Variants in LHFPL3 observed in about 807,000 individuals in gnomAD.
The protein encoded by LHFPL3 is LHFPL tetraspan subfamily member 3, also known as LHFPL tetraspan subfamily member 3 protein.
A neutral mutation model predicts 19.3 loss-of-function variants in LHFPL3; 5 were observed. That is an observed-to-expected ratio of 0.26 (90% CI 0.14 to 0.54). The LOEUF is 0.54. Ranked by LOEUF, LHFPL3 falls within the 20% of genes least tolerant of loss-of-function variation. The pLI is 0.94. For synonymous variants in LHFPL3, 133 were observed against 126.2 expected (o/e 1.05, Z -0.36); for missense variants, 249 against 307.4 (o/e 0.81, Z 1.42).
intron 1 of LHFPL3, among the ~76,000 whole-genome samples, chr7:104,440,174 T>A (rs1310086077): frequency 3.3e-5 from 5 of 150,546 alleles, no homozygotes; most frequent in Non-Finnish European, 5.9e-5. Context: ...ACTTAAAGTA[T>A]AATAATAATA....
At chr7:104,844,245 C>T (rs1238987550) in intron 2 of LHFPL3, among the ~76,000 whole-genome samples, 1 of 152,224 alleles carries the variant, frequency 6.6e-6, no homozygotes, top group Non-Finnish European at 1.5e-5. Flanking sequence ...CATGCACTGG[C>T]ACCTTTCAGC....
At chr7:104,451,690 G>T (rs1002083142) in intron 1 of LHFPL3, among the ~76,000 whole-genome samples, 1 of 151,792 alleles carries the variant, frequency 6.6e-6, no homozygotes, top group Non-Finnish European at 1.5e-5. Context: ...AAATATTTTT[G>T]TTGTTTTGGT....
chr7:104,385,522 A>G (rs1790922359), intron 1 of LHFPL3, among the ~76,000 whole-genome samples: 1 of 152,202 alleles, frequency 6.6e-6, no homozygotes, highest in Admixed American at 6.5e-5. Context: ...AATCACCAAG[A>G]TAATGATTGC....
intron 2 of LHFPL3, among the ~76,000 whole-genome samples, chr7:104,852,092 C>G (rs555577247): frequency 2.6e-5 from 4 of 152,148 alleles, no homozygotes; most frequent in Admixed American, 1.3e-4. Context: ...AAAGCAGATA[C>G]CCCCCAACCC....
intron 2 of LHFPL3, among the ~76,000 whole-genome samples, chr7:104,890,326 C>A (rs1448365791): frequency 6.6e-6 from 1 of 152,174 alleles, no homozygotes; most frequent in Non-Finnish European, 1.5e-5. Flanking sequence ...TTGGGAGATT[C>A]TCCTGCTCTA....
intron 1 of LHFPL3, among the ~76,000 whole-genome samples, chr7:104,388,294 T>G (rs1317405181): frequency 3.2e-4 from 49 of 152,156 alleles, no homozygotes; most frequent in Non-Finnish European, 5.9e-5. Flanking sequence ...TTCCTTTGGG[T>G]GTATACCCAA....
chr7:104,340,934 G>A (rs1053662166), intron 1 of LHFPL3, among the ~76,000 whole-genome samples: 8 of 152,126 alleles, frequency 5.3e-5, no homozygotes, highest in Non-Finnish European at 1.2e-4. Flanking sequence ...AGAATGCATG[G>A]CAAAACAGTT....
chr7:104,460,101 A>G (rs1225745555), intron 1 of LHFPL3, among the ~76,000 whole-genome samples: 1 of 151,932 alleles, frequency 6.6e-6, no homozygotes, highest in Non-Finnish European at 1.5e-5. Context: ...TAAGTGTGGT[A>G]TTTGGTTTTC....
intron 2 of LHFPL3, among the ~76,000 whole-genome samples, chr7:104,822,415 G>T (rs1349438766): frequency 6.6e-6 from 1 of 152,164 alleles, no homozygotes; most frequent in African/African-American, 2.4e-5. Context: ...TCCTTCTGCT[G>T]CAGGGTTACT....
At chr7:104,709,813 C>CAG (rs1793264961) in intron 1 of LHFPL3, among the ~76,000 whole-genome samples, 1 of 122,774 alleles carries the variant, frequency 8.1e-6, no homozygotes, top group Non-Finnish European at 1.9e-5. Flanking sequence ...ATGGCGGCTG[C>CAG]GAAGAGGCGT....
At chr7:104,499,935 A>G (rs552816753) in intron 1 of LHFPL3, among the ~76,000 whole-genome samples, 75 of 152,368 alleles carry the variant, frequency 4.9e-4, no homozygotes, top group African/African-American at 1.7e-3. Context: ...CAGATTAAAA[A>G]GATGTTTTAC....
At chr7:104,751,348 T>A (rs796165644) in intron 2 of LHFPL3, among the ~76,000 whole-genome samples, 81 of 149,488 alleles carry the variant, frequency 5.4e-4, no homozygotes, top group East Asian at 4.4e-3. Flanking sequence ...TTGAACCTTG[T>A]CTTACTGTAT....
At chr7:104,830,595 C>T (rs1790931815) in intron 2 of LHFPL3, among the ~76,000 whole-genome samples, 2 of 151,872 alleles carry the variant, frequency 1.3e-5, no homozygotes, top group African/African-American at 2.4e-5. Flanking sequence ...AGGGAATCCT[C>T]TCCCCATTGC....
chr7:104,884,952 G>C (rs1562825569), intron 2 of LHFPL3, among the ~76,000 whole-genome samples: 1 of 152,142 alleles, frequency 6.6e-6, no homozygotes, highest in African/African-American at 2.4e-5. Flanking sequence ...GGCAACTCAG[G>C]AAAGGATAGA....
chr7:104,718,087 A>T (rs1793423929), intron 1 of LHFPL3, among the ~76,000 whole-genome samples: 1 of 152,212 alleles, frequency 6.6e-6, no homozygotes, highest in Non-Finnish European at 1.5e-5. Context: ...GTATCTATCT[A>T]AAATAGTTAA....
At chr7:104,665,691 G>A (rs1010253320) in intron 1 of LHFPL3, among the ~76,000 whole-genome samples, 18 of 152,194 alleles carry the variant, frequency 1.2e-4, no homozygotes, top group African/African-American at 3.6e-4. Context: ...GCTTAAATGC[G>A]TTTTTTATCT....
chr7:104,358,704 A>T (rs1790333674), intron 1 of LHFPL3, among the ~76,000 whole-genome samples: 1 of 152,252 alleles, frequency 6.6e-6, no homozygotes, highest in Non-Finnish European at 1.5e-5. Flanking sequence ...GATTGGGAAG[A>T]TGATCATAAA....
At chr7:104,496,751 T>C (rs1163954137) in intron 1 of LHFPL3, among the ~76,000 whole-genome samples, 1 of 152,210 alleles carries the variant, frequency 6.6e-6, no homozygotes. Flanking sequence ...AGCTTAAATA[T>C]AATGAAATGA....
intron 2 of LHFPL3, among the ~76,000 whole-genome samples, chr7:104,809,644 T>C (rs1169845161): frequency 6.6e-6 from 1 of 152,248 alleles, no homozygotes; most frequent in Non-Finnish European, 1.5e-5. Context: ...TTTTGTATCA[T>C]ATAACATACG....
Sources: allele counts gnomAD v4.1 joint callset (sites outside exome capture counted in the v4.1 genomes callset), GRCh38; gene constraint gnomAD v4.1.1; transcripts MANE v1.5; gene names NCBI Gene and HGNC (gene_info 2026-07-23, HGNC 2026-07-21).